LGR6: variants seen among roughly 807,000 people sequenced by gnomAD.
The protein encoded by LGR6 is leucine rich repeat containing G protein-coupled receptor 6.
A neutral mutation model predicts 69.4 loss-of-function variants in LGR6; 45 were observed. The ratio of observed to expected loss-of-function variants is 0.65; its 90% confidence interval spans 0.51 to 0.83. The LOEUF (loss-of-function observed/expected upper bound fraction) is 0.83. Ranked by LOEUF, LGR6 falls within the 40% of genes least tolerant of loss-of-function variation. LGR6 has a pLI of 0.00. For missense variants in LGR6, 1,108 were observed against 1,246.7 expected, an observed-to-expected ratio of 0.89 and a Z score of 1.68; for synonymous variants, 538 against 555.0, an observed-to-expected ratio of 0.97 and a Z score of 0.43.
At chr1:202,269,708 G>A (rs1664940393) in intron 4 of LGR6, among the ~76,000 whole-genome samples, 3 of 152,198 alleles carry the variant, frequency 2.0e-5, no homozygotes, top group Non-Finnish European at 4.4e-5. Context: ...CCATTGCCAT[G>A]TCTTCTCATG....
chr1:202,193,902 C>T lies in LGR6; in HGVS notation c.-88C>T. The T allele has an allele frequency of 1.1e-6, 1 of 878,734 alleles. No homozygotes were observed. The highest frequency in any genetic ancestry group is 3.1e-5 in the South Asian group (1 of 31,992). 54.4% of individuals were successfully genotyped at this position (878,734 alleles called of 1,614,324 possible). On this transcript the variant is annotated 5_prime_UTR_variant, in exon 1 of 18. Transcript: ENST00000367278. ...GGGGCGGTCCCCACCGACGGTGCAG[C>T]CCGCCGGGACCGGGAGGAAGCAGCT...
At chr1:202,300,328 T>G (rs946368415) in intron 7 of LGR6, among the ~76,000 whole-genome samples, 2 of 152,066 alleles carry the variant, frequency 1.3e-5, no homozygotes, top group African/African-American at 4.8e-5. Context: ...CTTTTTACAC[T>G]TGTTAGGGAA....
chr1:202,315,879 G>A (rs1454087371), intron 17 of LGR6, among the ~76,000 whole-genome samples: 1 of 152,186 alleles, frequency 6.6e-6, no homozygotes, highest in Admixed American at 6.5e-5. Flanking sequence ...CATTCACAAT[G>A]CCATGGAAAT....
At chr1:202,210,839 G>A (rs1037514801) in intron 1 of LGR6, 1 of 152,182 alleles carries the variant, frequency 6.6e-6, no homozygotes, top group African/African-American at 2.4e-5. Flanking sequence ...GCAACTTGAG[G>A]CTGTGGGTTC....
chr1:202,248,639 G>T (rs974323748), intron 4 of LGR6, among the ~76,000 whole-genome samples: 3 of 152,192 alleles, frequency 2.0e-5, no homozygotes, highest in African/African-American at 7.2e-5. Context: ...TGTTTGGGGG[G>T]ATGTGCTGCC....
intron 4 of LGR6, among the ~76,000 whole-genome samples, chr1:202,240,780 G>A (rs982431477): frequency 1.3e-5 from 2 of 152,116 alleles, no homozygotes; most frequent in Non-Finnish European, 2.9e-5. Flanking sequence ...GAGACAGTGG[G>A]GAAAAATGAC....
intron 6 of LGR6, among the ~76,000 whole-genome samples, chr1:202,290,578 T>TA (rs201104351): frequency 1.4e-3 from 210 of 151,640 alleles, no homozygotes; most frequent in Admixed American, 2.4e-3. Context: ...TCCTCATCAA[T>TA]AAAAAAAAGG....
chr1:202,236,021 G>A, intron 4 of LGR6, 28 bp downstream of exon 4: 4 of 1,597,018 alleles, frequency 2.5e-6, no homozygotes, highest in Non-Finnish European at 3.4e-6. Flanking sequence ...TGGTCTGGGA[G>A]TCACCAGCTT....
At chr1:202,305,613 G>A in intron 11 of LGR6, 71 bp from the exon 12 acceptor site, 1 of 1,333,852 alleles carries the variant, frequency 7.5e-7, no homozygotes, top group Admixed American at 1.7e-5. Flanking sequence ...CCTGGCTAGA[G>A]CCCCCCGTCC....
At position 202,276,433 on chromosome 1, in the gene LGR6, C is replaced by T. The variant is rs1390977151; in HGVS notation, c.556C>T (p.Pro186Ser). ...EIPVRALNNLPALQAMTLALN... is the reference protein window; with the variant it reads ...EIPVRALNNLSALQAMTLALN... ...CCCTGTCAGGGCCCTCAACAACCTC[C>T]CTGCCCTGCAGGCCATGACCCTGGC... The change falls in exon 5 of 18, where the codon CCT becomes TCT. Residue 186 changes from proline to serine, a missense_variant. Pro to Ser is a moderately conservative substitution (Grantham distance 74). Transcript: ENST00000367278. 8 of 1,614,076 alleles carry T rather than the reference C, an allele frequency of 5.0e-6. No individual in the cohort carries two copies. The highest frequency in any genetic ancestry group is 6.8e-6 in the Non-Finnish European group (8 of 1,180,032).
intron 9 of LGR6, among the ~76,000 whole-genome samples, chr1:202,302,671 C>T (rs1018415153): frequency 2.6e-5 from 4 of 152,058 alleles, no homozygotes; most frequent in Non-Finnish European, 4.4e-5. Flanking sequence ...CTCAGCCTCC[C>T]GAGTAGCTGA....
At chr1:202,270,910 C>T (rs1384494186) in intron 4 of LGR6, among the ~76,000 whole-genome samples, 1 of 152,186 alleles carries the variant, frequency 6.6e-6, no homozygotes, top group Non-Finnish European at 1.5e-5. Flanking sequence ...CAGCCTCAGC[C>T]CTTAGCTGGG....
At chr1:202,237,541 T>G (rs1460600798) in intron 4 of LGR6, among the ~76,000 whole-genome samples, 2 of 152,240 alleles carry the variant, frequency 1.3e-5, no homozygotes, top group East Asian at 3.8e-4. Flanking sequence ...AAATCGTGAA[T>G]CACATATTCT....
rs1025375642 is a variant in LGR6, at chr1:202,255,741, G to C, written c.428+19748G>C. 2.0e-5 allele frequency among the ~76,000 whole-genome samples: 3 copies of C among 152,000 alleles called. No individual in the cohort carries two copies. The South Asian group carries it at 6.2e-4, about 32-fold the overall frequency. On this transcript the variant is annotated intron_variant, in intron 4 of 17. Transcript: ENST00000367278. ...AACATTTCTGTGTATTTCTCTATGA[G>C]CACACATACTCTTACAAACACACAT...
intron 1 of LGR6, among the ~76,000 whole-genome samples, chr1:202,209,405 T>C (rs1659377703): frequency 6.6e-6 from 1 of 152,182 alleles, no homozygotes; most frequent in African/African-American, 2.4e-5. Flanking sequence ...CCCCACAGTG[T>C]TCTGGGCTGC....
intron 6 of LGR6, among the ~76,000 whole-genome samples, chr1:202,292,508 G>A (rs1323397716): frequency 1.3e-5 from 2 of 152,250 alleles, no homozygotes; most frequent in Admixed American, 1.3e-4. Context: ...CTTCTTGGGA[G>A]CTTGCCACCT....
rs768534377 is a variant in LGR6 at position 202,225,457 on chromosome 1, C to G, written c.247C>G (p.Pro83Ala). The G allele has an allele frequency of 6.2e-7, 1 of 1,614,000 alleles. No individual in the cohort carries two copies. The highest frequency in any genetic ancestry group is 1.1e-5 in the South Asian group (1 of 91,074). The change falls in exon 2 of 18, where the codon CCT becomes GCT. Residue 83 changes from proline (P) to alanine (A), a missense_variant. Coordinates refer to ENST00000367278, the MANE Select transcript of LGR6 (RefSeq NM_001017403.2). ...LSMNNLTELQ[P>A]GLFHHLRFLE... Reference sequence around the variant, plus strand: ...CATGAACAACCTCACAGAGCTTCAGCCTGGCCTCTTCCACCACCTGCGCTT... The same window carrying G: ...CATGAACAACCTCACAGAGCTTCAGGCTGGCCTCTTCCACCACCTGCGCTT...
At chr1:202,216,466 A>G (rs1262471117) in intron 1 of LGR6, among the ~76,000 whole-genome samples, 2 of 152,248 alleles carry the variant, frequency 1.3e-5, no homozygotes, top group African/African-American at 4.8e-5. Context: ...GTGCTGTCCA[A>G]TACAGGAGCC....
At chr1:202,317,341 T>TTTTTTTG (rs1654224049) in intron 17 of LGR6, among the ~76,000 whole-genome samples, 1 of 116,028 alleles carries the variant, frequency 8.6e-6, no homozygotes, top group Non-Finnish European at 1.9e-5. Flanking sequence ...GTTTTTTTGT[T>TTTTTTTG]TTTTTTTTGT....
Sources: allele counts gnomAD v4.1 joint callset (sites outside exome capture counted in the v4.1 genomes callset), GRCh38; gene constraint gnomAD v4.1.1; transcripts MANE v1.5; gene names NCBI Gene and HGNC (gene_info 2026-07-23, HGNC 2026-07-21).